Variants in ATP5PO observed in about 807,000 individuals in gnomAD.
The protein encoded by ATP5PO is ATP synthase peripheral stalk subunit OSCP, mitochondrial.
In ATP5PO, 14 loss-of-function variants were observed where a neutral mutation model predicts 26.2. The observed-to-expected ratio is 0.53, with a 90% CI of 0.35 to 0.83. The LOEUF (loss-of-function observed/expected upper bound fraction) is 0.83. ATP5PO is among the 40% of genes least tolerant of loss of function. The probability of loss-of-function intolerance (pLI) is 0.01; values close to 1 mark genes in which losing one functional copy is unlikely to be tolerated. For missense variants in ATP5PO, 241 were observed against 258.5 expected (o/e 0.93, Z 0.46); for synonymous variants, 106 against 95.1 (o/e 1.12, Z -0.67).
chr21:33,904,859 G>C (rs376885794), intron 5 of ATP5PO, among the ~76,000 whole-genome samples: 11 of 152,236 alleles, frequency 7.2e-5, no homozygotes, highest in African/African-American at 2.6e-4. Context: ...TCCTGCCTCA[G>C]CTTCCCAAGT....
intron 3 of ATP5PO, among the ~76,000 whole-genome samples, chr21:33,911,708 C>T (rs183780873): frequency 1.6e-4 from 22 of 137,100 alleles, no homozygotes; most frequent in Admixed American, 8.1e-4. Context: ...TCGTACCGTC[C>T]GGGGCTGGAG....
At chr21:33,915,491 G>A (rs1006526905) in intron 1 of ATP5PO, 3 of 573,054 alleles carry the variant, frequency 5.2e-6, no homozygotes, top group Admixed American at 3.8e-5. Flanking sequence ...AGCTTCCAGG[G>A]GCTGTGCTCG....
chr21:33,906,013 A>C (rs1411995664), intron 5 of ATP5PO, among the ~76,000 whole-genome samples: 1 of 151,310 alleles, frequency 6.6e-6, no homozygotes, highest in Non-Finnish European at 1.5e-5. Context: ...GGGGCAGGTG[A>C]ATGTCTAATC....
At chr21:33,910,893 A>G (rs1018574681) in intron 3 of ATP5PO, among the ~76,000 whole-genome samples, 3 of 152,274 alleles carry the variant, frequency 2.0e-5, no homozygotes, top group African/African-American at 7.2e-5. Context: ...AATAAAACAT[A>G]AACAGTACAG....
Position 33,909,148 on chromosome 21 carries a change from T to C in ATP5PO, c.262A>G (p.Lys88Glu), listed in dbSNP as rs1345397988. ...GTGATGTCATTTAGGCTTTTCACTT[T>C]AATGGAACGCTTCACATAGGGATTC... ...VLNPYVKRSI[K>E]VKSLNDITAK... is the part of the protein sequence containing the mutation. Residue 88 changes from lysine (K) to glutamate (E), a missense_variant, in exon 4 of 7, where the codon AAA (lysine) becomes GAA (glutamate). Around this residue, in one of 3 missense-constraint regions of ATP5PO, gnomAD observed 125 missense variants for 108.5 expected, o/e 1.15. Coordinates refer to ENST00000290299, the MANE Select transcript of ATP5PO (RefSeq NM_001697.3). 1 of 1,613,702 alleles carries C rather than the reference T, an allele frequency of 6.2e-7. No homozygotes were observed. The highest frequency in any genetic ancestry group is 1.3e-5 in the African/African-American group (1 of 75,062).
At chr21:33,914,578 A>T in intron 1 of ATP5PO, 78 bp from the exon 2 acceptor site, 3 of 1,340,166 alleles carry the variant, frequency 2.2e-6, no homozygotes, top group Non-Finnish European at 3.2e-6. Flanking sequence ...ACAACAAAAA[A>T]TTTTAAATAA....
intron 2 of ATP5PO, 22 bp downstream of exon 2, chr21:33,914,428 A>G: frequency 1.2e-6 from 2 of 1,607,620 alleles, no homozygotes; most frequent in Non-Finnish European, 1.7e-6. Flanking sequence ...TTATCATTAC[A>G]GAAGAATATA....
In ATP5PO at chr21:33,905,535, G is replaced by A. The variant is rs75721868; in HGVS notation, c.442-1514C>T. On this transcript the variant is annotated intron_variant, in intron 5 of 6. Transcript: ENST00000290299. Reference sequence around the variant, plus strand: ...CGTTTTTCAAACAGTACAGACTCACGCACCCAACAGTATCAACATCAAAAG... The same window carrying A: ...CGTTTTTCAAACAGTACAGACTCACACACCCAACAGTATCAACATCAAAAG... 2.7e-3 allele frequency among the ~76,000 whole-genome samples: 412 copies of A among 152,224 alleles called. 1 individual carries two copies. The highest frequency in any genetic ancestry group is 3.9e-3 in the African/African-American group (162 of 41,544).
chr21:33,912,546 T>TA, intron 2 of ATP5PO, 147 bp from the exon 3 acceptor site: 1 of 499,278 alleles, frequency 2.0e-6, no homozygotes, highest in Non-Finnish European at 3.4e-6. Context: ...AGAGCTGTCC[T>TA]AAATGGCAAT....
rs1987163298 is a variant in ATP5PO, at chr21:33,905,905, C to CA, written c.441+1435dup. ...CCAGCCTGGGTGACAGAGTGAGACT[C>CA]AGTCTCAAAAAAGAAAAAAAAAAAA... is the stretch of plus-strand genomic sequence containing the variant. On this transcript the variant is annotated intron_variant, in intron 5 of 6. Coordinates refer to ENST00000290299, the MANE Select transcript of ATP5PO (RefSeq NM_001697.3). 4.7e-5 allele frequency among the ~76,000 whole-genome samples: 3 copies of CA among 64,436 alleles called. No individual in the cohort carries two copies. The South Asian group carries it at 1.6e-3, about 35-fold the overall frequency. The allele number at this position is 64,436 out of a possible 152,430, so 42.3% of individuals were successfully genotyped here.
At chr21:33,911,821 G>A (rs1038413387) in intron 3 of ATP5PO, among the ~76,000 whole-genome samples, 6 of 151,800 alleles carry the variant, frequency 4.0e-5, no homozygotes, top group South Asian at 2.1e-4. Context: ...TCACTACCAC[G>A]TCCCGCTAAT....
At chr21:33,915,668 T>G (rs1763252187) in intron 1 of ATP5PO, 60 bp downstream of exon 1, 2 of 1,542,932 alleles carry the variant, frequency 1.3e-6, no homozygotes, top group Non-Finnish European at 1.7e-6. Context: ...GCTCGAGGTT[T>G]GGTACCGGTC....
In ATP5PO at chr21:33,904,035, C is replaced by A. The variant is rs1212702832; in HGVS notation, c.442-14G>T. On this transcript the variant is annotated splice_polypyrimidine_tract_variant and intron_variant, in intron 5 of 6. Coordinates refer to ENST00000290299, the MANE Select transcript of ATP5PO (RefSeq NM_001697.3). ...TTCTTCTAAAGGCTGAAAGGCAAAA[C>A]CATCCTTTCAATTTAGATAAAGCAA... The A allele has an allele frequency of 5.0e-6, 8 of 1,596,536 alleles. No homozygotes were observed. The South Asian group carries it at 9.0e-5, about 18-fold the overall frequency.
At chr21:33,914,305 T>G in intron 2 of ATP5PO, 145 bp downstream of exon 2, 2 of 687,492 alleles carry the variant, frequency 2.9e-6, no homozygotes, top group Middle Eastern at 4.9e-4. Context: ...TTCCCCACCC[T>G]ATGCACACAG....
intron 4 of ATP5PO, among the ~76,000 whole-genome samples, chr21:33,908,076 A>G (rs1987197487): frequency 6.6e-6 from 1 of 151,860 alleles, no homozygotes; most frequent in Non-Finnish European, 1.5e-5. Flanking sequence ...GCTGAGGCAG[A>G]AGGATCACTT....
intron 2 of ATP5PO, among the ~76,000 whole-genome samples, chr21:33,913,673 G>A (rs1030908392): frequency 2.8e-4 from 43 of 152,152 alleles, no homozygotes; most frequent in Non-Finnish European, 5.6e-4. Context: ...GCAACTCCCT[G>A]AAATAGTGAG....
chr21:33,914,706 T>C (rs1241034610), intron 1 of ATP5PO: 1 of 520,940 alleles, frequency 1.9e-6, no homozygotes, highest in Non-Finnish European at 3.4e-6. Context: ...GCTTGGGAAA[T>C]CACCTTCCCA....
chr21:33,906,601 G>A (rs567341571), intron 5 of ATP5PO: 1 of 386,468 alleles, frequency 2.6e-6, no homozygotes, highest in Non-Finnish European at 5.2e-6. Flanking sequence ...ATAAACGGTA[G>A]CCAATTATAG....
rs1384685734 is a variant in ATP5PO, at chr21:33,912,143, A to G, written c.198+146T>C. The G allele has an allele frequency of 9.6e-6, 5 of 518,618 alleles. No individual in the cohort carries two copies. The Admixed American group carries it at 1.4e-4, about 14-fold the overall frequency. 32.1% of individuals were successfully genotyped at this position (518,618 alleles called of 1,614,324 possible). ...TTATATGTCTTATAATAAAAACCCAATATTATTACTAAAAATGTGTTTACA... is the reference window on the plus strand; with the variant it reads ...TTATATGTCTTATAATAAAAACCCAGTATTATTACTAAAAATGTGTTTACA... On this transcript the variant is annotated intron_variant, in intron 3 of 6. Transcript: ENST00000290299.
Sources: gnomAD v4.1 joint callset for allele counts (sites outside exome capture counted in the v4.1 genomes callset) on GRCh38, gnomAD v4.1.1 for gene constraint, gnomAD v4.1.1 regional missense constraint, MANE v1.5 for transcripts, NCBI Gene and HGNC (gene_info 2026-07-23, HGNC 2026-07-21) for gene names.